Variants in SHISA6 observed in about 807,000 individuals in gnomAD.
SHISA6 encodes protein shisa-6.
SHISA6 carries 22 observed loss-of-function variants against 47.9 expected under a neutral mutation model. The observed-to-expected ratio is 0.46, with a 90% CI of 0.33 to 0.66. The LOEUF is 0.66. Ranked by LOEUF, SHISA6 falls within the 30% of genes least tolerant of loss-of-function variation. SHISA6 has a pLI of 0.02. For missense variants in SHISA6, 680 were observed against 764.6 expected, an observed-to-expected ratio of 0.89 and a Z score of 1.30; for synonymous variants, 388 against 337.8, an observed-to-expected ratio of 1.15 and a Z score of -1.63.
intron 2 of SHISA6, among the ~76,000 whole-genome samples, chr17:11,277,166 C>G (rs1425723752): frequency 6.6e-6 from 1 of 151,692 alleles, no homozygotes; most frequent in Non-Finnish European, 1.5e-5. Context: ...GTTCAGTTCT[C>G]CAGTGGACGT....
intron 2 of SHISA6, among the ~76,000 whole-genome samples, chr17:11,330,942 T>C (rs1048975132): frequency 6.6e-6 from 1 of 152,248 alleles, no homozygotes; most frequent in Non-Finnish European, 1.5e-5. Context: ...GAAGTCATTC[T>C]TGGATATATA....
At chr17:11,290,100 A>G (rs1370889426) in intron 2 of SHISA6, 1 of 152,164 alleles carries the variant, frequency 6.6e-6, no homozygotes, top group African/African-American at 2.4e-5. Context: ...ACTGTTTCTT[A>G]AATTTCAATT....
intron 3 of SHISA6, among the ~76,000 whole-genome samples, chr17:11,387,448 G>A (rs957232337): frequency 2.0e-5 from 3 of 152,176 alleles, no homozygotes; most frequent in Non-Finnish European, 4.4e-5. Flanking sequence ...ACCGATCTGA[G>A]GAGGAGGAGC....
intron 2 of SHISA6, among the ~76,000 whole-genome samples, chr17:11,312,138 C>T (rs1359591835): frequency 6.6e-6 from 1 of 151,904 alleles, no homozygotes; most frequent in Non-Finnish European, 1.5e-5. Context: ...TTTTTTTGGT[C>T]ACTGAACTAA....
intron 2 of SHISA6, among the ~76,000 whole-genome samples, chr17:11,345,521 C>T (rs1911675302): frequency 6.6e-6 from 1 of 152,068 alleles, no homozygotes; most frequent in Non-Finnish European, 1.5e-5. Flanking sequence ...AAACAACTGA[C>T]ATTTTGATAG....
intron 3 of SHISA6, among the ~76,000 whole-genome samples, chr17:11,548,335 C>G (rs1374008472): frequency 6.6e-6 from 1 of 151,834 alleles, no homozygotes; most frequent in Non-Finnish European, 1.5e-5. Flanking sequence ...TCAAAGCATA[C>G]AAAAAGATGG....
At chr17:11,343,139 C>A (rs1006298585) in intron 2 of SHISA6, among the ~76,000 whole-genome samples, 1 of 152,154 alleles carries the variant, frequency 6.6e-6, no homozygotes, top group African/African-American at 2.4e-5. Flanking sequence ...GATTTTAGCT[C>A]TGAGACAAAT....
chr17:11,442,299 G>T (rs891303274), intron 3 of SHISA6, among the ~76,000 whole-genome samples: 4 of 151,774 alleles, frequency 2.6e-5, no homozygotes, highest in Admixed American at 2.0e-4. Flanking sequence ...GTGAGCACCT[G>T]ATCCTTTTGG....
At chr17:11,521,075 T>G (rs927544012) in intron 3 of SHISA6, among the ~76,000 whole-genome samples, 67 of 152,218 alleles carry the variant, frequency 4.4e-4, no homozygotes, top group African/African-American at 1.5e-3. Context: ...GCTTTGGATT[T>G]AAAGCTTGGG....
intron 1 of SHISA6, among the ~76,000 whole-genome samples, chr17:11,257,534 G>A (rs1427185681): frequency 6.6e-6 from 1 of 151,870 alleles, no homozygotes; most frequent in Non-Finnish European, 1.5e-5. Flanking sequence ...GGTGGTGCTT[G>A]CCTATAGTAT....
At chr17:11,421,946 C>A (rs185566679) in intron 3 of SHISA6, among the ~76,000 whole-genome samples, 267 of 152,286 alleles carry the variant, frequency 1.8e-3, no homozygotes, top group African/African-American at 5.1e-3. Flanking sequence ...TTCAAAGAGG[C>A]TGTCTGAAAC....
intron 2 of SHISA6, among the ~76,000 whole-genome samples, chr17:11,314,167 A>G (rs1445511456): frequency 6.6e-6 from 1 of 152,118 alleles, no homozygotes; most frequent in Non-Finnish European, 1.5e-5. Flanking sequence ...AAATAGATAC[A>G]TTTTGGTTAC....
At chr17:11,386,943 GACA>G (rs1913215705) in intron 3 of SHISA6, among the ~76,000 whole-genome samples, 1 of 152,200 alleles carries the variant, frequency 6.6e-6, no homozygotes, top group African/African-American at 2.4e-5. Context: ...GGCAAATGAG[GACA>G]GTTGGTCACC....
intron 2 of SHISA6, among the ~76,000 whole-genome samples, chr17:11,313,779 G>T (rs1191419526): frequency 6.6e-6 from 1 of 152,114 alleles, no homozygotes; most frequent in Non-Finnish European, 1.5e-5. Context: ...AGAACTCAGG[G>T]AGATTAGGGA....
At chr17:11,520,160 A>G (rs1049825029) in intron 3 of SHISA6, among the ~76,000 whole-genome samples, 6 of 152,054 alleles carry the variant, frequency 3.9e-5, no homozygotes, top group Admixed American at 2.6e-4. Context: ...TCTACTGCCT[A>G]CTTGACATCA....
At chr17:11,336,162 T>G (rs181735707) in intron 2 of SHISA6, among the ~76,000 whole-genome samples, 1 of 152,098 alleles carries the variant, frequency 6.6e-6, no homozygotes, top group Admixed American at 6.5e-5. Flanking sequence ...TGAGCTGAGA[T>G]CGTGCCACTG....
At chr17:11,544,970 A>G (rs1433538653) in intron 3 of SHISA6, among the ~76,000 whole-genome samples, 1 of 151,676 alleles carries the variant, frequency 6.6e-6, no homozygotes, top group Admixed American at 6.6e-5. Flanking sequence ...CCAAAAAAAA[A>G]AAAAAAAAAA....
At chr17:11,319,348 G>A (rs1910634020) in intron 2 of SHISA6, among the ~76,000 whole-genome samples, 1 of 152,084 alleles carries the variant, frequency 6.6e-6, no homozygotes, top group South Asian at 2.1e-4. Context: ...CAAAGTGCCG[G>A]GATTATGGGT....
chr17:11,285,763 G>A (rs1330508273), intron 2 of SHISA6, among the ~76,000 whole-genome samples: 1 of 152,032 alleles, frequency 6.6e-6, no homozygotes, highest in Admixed American at 6.5e-5. Context: ...GTAGAAGCTT[G>A]TGGCTGCAGT....
Sources: gnomAD v4.1 joint callset for allele counts (sites outside exome capture counted in the v4.1 genomes callset) on GRCh38, gnomAD v4.1.1 for gene constraint, MANE v1.5 for transcripts, NCBI Gene and HGNC (gene_info 2026-07-23, HGNC 2026-07-21) for gene names.